The following TENM2 variants were observed in gnomAD, a reference collection of about 807,000 sequenced individuals.
TENM2 encodes teneurin transmembrane protein 2.
A neutral mutation model predicts 245.2 loss-of-function variants in TENM2; 52 were observed. That is an observed-to-expected ratio of 0.21 (90% CI 0.17 to 0.27). TENM2 has a LOEUF of 0.27. Ranked by LOEUF, TENM2 falls within the 10% of genes least tolerant of loss-of-function variation. TENM2 has a pLI of 1.00. For synonymous variants in TENM2, 1,363 were observed against 1,438.9 expected (o/e 0.95, Z 1.19); for missense variants, 3,046 against 3,666.8 (o/e 0.83, Z 4.37).
the TENM2 span, among the ~76,000 whole-genome samples, chr5:167,269,204 G>C: frequency 6.6e-6 from 1 of 152,124 alleles, no homozygotes; most frequent in Admixed American, 6.6e-5. Context: ...ATTCAGGGCA[G>C]TTAACAGCTA....
chr5:168,079,866 A>C (rs1024981311), intron 7 of TENM2, among the ~76,000 whole-genome samples: 2 of 152,194 alleles, frequency 1.3e-5, no homozygotes, highest in African/African-American at 4.8e-5. Flanking sequence ...ATCAGTGTTC[A>C]TCAGGGATGT....
intron 2 of TENM2, among the ~76,000 whole-genome samples, chr5:167,704,441 A>T (rs1758368685): frequency 6.6e-6 from 1 of 152,198 alleles, no homozygotes; most frequent in Non-Finnish European, 1.5e-5. Flanking sequence ...GACCAAAATC[A>T]GTGTGTTAGG....
chr5:167,307,192 C>CCA (rs1755730294), intron 1 of TENM2, among the ~76,000 whole-genome samples: 1 of 152,152 alleles, frequency 6.6e-6, no homozygotes. Context: ...TATTTTGGTG[C>CCA]TCAGATCTGT....
intron 2 of TENM2, among the ~76,000 whole-genome samples, chr5:167,452,931 T>TTATATA (rs1554157697): frequency 8.2e-4 from 4 of 4,886 alleles, no homozygotes; most frequent in African/African-American, 1.4e-3. Flanking sequence ...AAAGTATGAT[T>TTATATA]TATATATATA....
chr5:167,036,402 A>T, the TENM2 span, among the ~76,000 whole-genome samples: 1 of 152,310 alleles, frequency 6.6e-6, no homozygotes. Context: ...TTTTGTTTTA[A>T]ATAATTGTTT....
chr5:167,336,889 G>A (rs1314764424), intron 1 of TENM2, among the ~76,000 whole-genome samples: 108 of 150,570 alleles, frequency 7.2e-4, no homozygotes, highest in African/African-American at 2.2e-3. Flanking sequence ...AGGCCGAGGC[G>A]GGTGGATCAT....
At chr5:167,541,873 C>A (rs1458172934) in intron 2 of TENM2, among the ~76,000 whole-genome samples, 1 of 152,164 alleles carries the variant, frequency 6.6e-6, no homozygotes, top group African/African-American at 2.4e-5. Context: ...AGCATATAAT[C>A]ATATTCCTGA....
rs371240775 is a variant in TENM2 at position 168,209,323 on chromosome 5, T to C, written c.3825-2411T>C. On this transcript the variant is annotated intron_variant, in intron 19 of 28. Transcript: ENST00000518659. The stretch of plus-strand genomic sequence containing the variant: ...ATGATGCTCATTAACCAGTTTGTCA[T>C]TGATGTCCTTGTATTAGTGAAATAT... 3.9e-5 allele frequency among the ~76,000 whole-genome samples: 6 copies of C among 152,254 alleles called. No homozygotes were observed. In the East Asian group the frequency reaches 1.2e-3, roughly 29 times the overall value.
At chr5:168,215,833 G>A (rs1352101023) in intron 21 of TENM2, among the ~76,000 whole-genome samples, 1 of 152,184 alleles carries the variant, frequency 6.6e-6, no homozygotes, top group Non-Finnish European at 1.5e-5. Flanking sequence ...CCAGCTGTGT[G>A]GGCTGGAGAC....
intron 2 of TENM2, among the ~76,000 whole-genome samples, chr5:167,570,305 TAAAAC>T (rs1264452809): frequency 6.6e-6 from 1 of 151,386 alleles, no homozygotes; most frequent in Non-Finnish European, 1.5e-5. Context: ...GATAATGAAA[TAAAAC>T]AGACTTTCAA....
chr5:167,480,815 C>T (rs904218716), intron 2 of TENM2, among the ~76,000 whole-genome samples: 1 of 152,120 alleles, frequency 6.6e-6, no homozygotes, highest in African/African-American at 2.4e-5. Context: ...AGAAATAACA[C>T]ATAAACATAA....
At chr5:167,882,119 T>C (rs1773927152) in intron 3 of TENM2, among the ~76,000 whole-genome samples, 1 of 152,198 alleles carries the variant, frequency 6.6e-6, no homozygotes. Flanking sequence ...GAATATTTGT[T>C]TGGCTGATTG....
the TENM2 span, among the ~76,000 whole-genome samples, chr5:167,033,478 T>C: frequency 6.6e-6 from 1 of 152,222 alleles, no homozygotes; most frequent in Non-Finnish European, 1.5e-5. Context: ...GTTATGAAGT[T>C]AATTATGACA....
intron 5 of TENM2, among the ~76,000 whole-genome samples, chr5:168,039,721 C>A (rs908608949): frequency 2.0e-5 from 3 of 151,912 alleles, no homozygotes; most frequent in Non-Finnish European, 4.4e-5. Flanking sequence ...CCACCCCGCA[C>A]AAGGAAAAGA....
chr5:167,089,521 A>G, the TENM2 span, among the ~76,000 whole-genome samples: 13 of 152,192 alleles, frequency 8.5e-5, no homozygotes. Flanking sequence ...CTTTCAAAGA[A>G]TTAACATGGA....
chr5:167,216,993 C>T, the TENM2 span, among the ~76,000 whole-genome samples: 1 of 151,490 alleles, frequency 6.6e-6, no homozygotes, highest in Admixed American at 6.6e-5. Flanking sequence ...GTAACAGAAA[C>T]ATATAATTTG....
intron 2 of TENM2, among the ~76,000 whole-genome samples, chr5:167,746,184 T>C (rs1025488078): frequency 3.9e-5 from 6 of 152,160 alleles, no homozygotes; most frequent in Non-Finnish European, 8.8e-5. Flanking sequence ...AAGCAGTCTC[T>C]ATTACTCCCT....
intron 2 of TENM2, among the ~76,000 whole-genome samples, chr5:167,402,079 A>C (rs1762396791): frequency 6.6e-6 from 1 of 152,160 alleles, no homozygotes; most frequent in South Asian, 2.1e-4. Context: ...TTTTTAAAAT[A>C]AGAGAAGCAG....
chr5:167,382,625 A>G (rs940714804), intron 2 of TENM2, among the ~76,000 whole-genome samples: 1 of 152,160 alleles, frequency 6.6e-6, no homozygotes, highest in African/African-American at 2.4e-5. Flanking sequence ...GCATTCTTTG[A>G]AAAAGAGTAG....
Sources: allele counts gnomAD v4.1 joint callset (sites outside exome capture counted in the v4.1 genomes callset), GRCh38; gene constraint gnomAD v4.1.1; transcripts MANE v1.5; gene names NCBI Gene and HGNC (gene_info 2026-07-23, HGNC 2026-07-21).